Variants in WWOX observed in about 807,000 individuals in gnomAD.
WWOX encodes WW domain containing oxidoreductase.
WWOX carries 69 observed loss-of-function variants against 46.2 expected under a neutral mutation model. The ratio of observed to expected loss-of-function variants is 1.49; its 90% CI spans 1.23 to 1.82. The LOEUF is 1.82. Ranked by LOEUF, WWOX falls within the 40% of genes most tolerant of loss-of-function variation. WWOX has a pLI of 0.00. For missense variants in WWOX, 919 were observed against 542.6 expected, an observed-to-expected ratio of 1.69 and a Z score of -6.89; for synonymous variants, 359 against 202.6, an observed-to-expected ratio of 1.77 and a Z score of -6.56.
At chr16:78,738,674 T>C (rs1416639673) in intron 8 of WWOX, among the ~76,000 whole-genome samples, 1 of 152,184 alleles carries the variant, frequency 6.6e-6, no homozygotes, top group Non-Finnish European at 1.5e-5. Flanking sequence ...TCGCATTTGC[T>C]TCTCCTGGCT....
chr16:79,141,081 G>A (rs944672702), intron 8 of WWOX, among the ~76,000 whole-genome samples: 3 of 152,192 alleles, frequency 2.0e-5, no homozygotes, highest in African/African-American at 7.2e-5. Context: ...GAACTGCTTA[G>A]GGCCAACCTG....
intron 8 of WWOX, among the ~76,000 whole-genome samples, chr16:78,946,223 C>T (rs9925158): frequency 1.3e-5 from 2 of 152,154 alleles, no homozygotes. Context: ...CTGAGTCTTG[C>T]TCTGTCGCCC....
intron 8 of WWOX, among the ~76,000 whole-genome samples, chr16:78,748,863 T>A (rs1299608804): frequency 1.3e-5 from 2 of 152,224 alleles, no homozygotes; most frequent in African/African-American, 4.8e-5. Context: ...GGAAGGAGCA[T>A]CTTTGCAGGG....
At chr16:78,975,586 A>G (rs916254181) in intron 8 of WWOX, among the ~76,000 whole-genome samples, 1 of 151,912 alleles carries the variant, frequency 6.6e-6, no homozygotes, top group African/African-American at 2.4e-5. Flanking sequence ...CCATATACAC[A>G]TGGTATATGC....
At chr16:78,987,419 G>C (rs995560848) in intron 8 of WWOX, among the ~76,000 whole-genome samples, 8 of 152,210 alleles carry the variant, frequency 5.3e-5, no homozygotes, top group African/African-American at 1.9e-4. Context: ...TCATGCTGGA[G>C]CTCCTGCCAC....
intron 4 of WWOX, among the ~76,000 whole-genome samples, chr16:78,124,960 C>G (rs1047077037): frequency 1.3e-5 from 2 of 152,044 alleles, no homozygotes; most frequent in Non-Finnish European, 2.9e-5. Flanking sequence ...GCCAGATGAA[C>G]GGAGCTAAGC....
Position 79,000,530 on chromosome 16 carries a change from G to T in WWOX, c.1057-211078G>T, listed in dbSNP as rs191633358. ...CTGAGTAAAGAGGACTTGGCCTGAT[G>T]TTACCAGCTTTAAAGAGGGAGGAAG... On this transcript the variant is annotated intron_variant, in intron 8 of 8. Transcript: ENST00000566780. Among the ~76,000 whole-genome samples, 40 of 152,272 alleles carry T rather than the reference G, an allele frequency of 2.6e-4. 1 individual carries two copies. Among genetic ancestry groups the T allele is most frequent in the Middle Eastern group, 3.4e-3 (1 of 294 alleles).
intron 5 of WWOX, among the ~76,000 whole-genome samples, chr16:78,303,426 C>T (rs963564345): frequency 3.9e-5 from 6 of 152,270 alleles, no homozygotes; most frequent in East Asian, 1.9e-4. Context: ...AGCTCATGGA[C>T]GTTGCTTTTA....
intron 8 of WWOX, among the ~76,000 whole-genome samples, chr16:78,517,440 A>T (rs1032419719): frequency 2.0e-5 from 3 of 152,150 alleles, no homozygotes; most frequent in African/African-American, 7.2e-5. Context: ...ATGTTTAAAT[A>T]TGAATGTCTT....
At chr16:78,835,230 C>G (rs1427096672) in intron 8 of WWOX, among the ~76,000 whole-genome samples, 2 of 152,076 alleles carry the variant, frequency 1.3e-5, no homozygotes, top group East Asian at 1.9e-4. Flanking sequence ...AAAACAAGTG[C>G]CAGCATTCTA....
intron 5 of WWOX, among the ~76,000 whole-genome samples, chr16:78,368,289 A>G (rs1427997249): frequency 2.6e-5 from 4 of 152,200 alleles, no homozygotes; most frequent in Non-Finnish European, 2.9e-5. Flanking sequence ...TGTAGGTCCT[A>G]TATGAGTGAT....
intron 4 of WWOX, among the ~76,000 whole-genome samples, chr16:78,149,944 C>T (rs781154395): frequency 3.3e-5 from 5 of 152,126 alleles, no homozygotes; most frequent in South Asian, 2.1e-4. Flanking sequence ...CCTCCTTTTA[C>T]GTAATTCTCC....
intron 8 of WWOX, among the ~76,000 whole-genome samples, chr16:78,966,033 G>A (rs1365196371): frequency 6.6e-6 from 1 of 152,170 alleles, no homozygotes; most frequent in Non-Finnish European, 1.5e-5. Context: ...GGTGCTATCT[G>A]TGTGCCTCAT....
chr16:79,175,382 T>C (rs1313893127), intron 8 of WWOX, among the ~76,000 whole-genome samples: 1 of 152,192 alleles, frequency 6.6e-6, no homozygotes, highest in African/African-American at 2.4e-5. Context: ...TTTAAATATA[T>C]TTTGGATGAG....
intron 8 of WWOX, among the ~76,000 whole-genome samples, chr16:78,730,690 G>A (rs1008919044): frequency 1.4e-4 from 21 of 149,804 alleles, no homozygotes; most frequent in East Asian, 7.9e-4. Flanking sequence ...GAACTCCTGG[G>A]CTCAAGCGAT....
chr16:78,102,624 T>C (rs1177397530), intron 1 of WWOX, among the ~76,000 whole-genome samples: 1 of 152,224 alleles, frequency 6.6e-6, no homozygotes, highest in Admixed American at 6.5e-5. Context: ...AGCTTACATG[T>C]CACTGCCCAA....
At chr16:78,252,069 C>T (rs1377373517) in intron 5 of WWOX, among the ~76,000 whole-genome samples, 1 of 152,112 alleles carries the variant, frequency 6.6e-6, no homozygotes, top group African/African-American at 2.4e-5. Flanking sequence ...GGGATGAGAG[C>T]AAGCACCGTT....
intron 8 of WWOX, among the ~76,000 whole-genome samples, chr16:78,751,461 TTATATATA>T (rs71140824): frequency 1.2e-4 from 16 of 128,426 alleles, no homozygotes; most frequent in East Asian, 4.5e-4. Flanking sequence ...TTATCAGATT[TTATATATA>T]TATATATATA....
chr16:78,827,903 C>T (rs765311912), intron 8 of WWOX, among the ~76,000 whole-genome samples: 3 of 152,110 alleles, frequency 2.0e-5, no homozygotes, highest in Non-Finnish European at 4.4e-5. Context: ...AGGATGGGAA[C>T]CAGGCACTGC....
Sources: allele counts gnomAD v4.1 joint callset (sites outside exome capture counted in the v4.1 genomes callset), GRCh38; gene constraint gnomAD v4.1.1; transcripts MANE v1.5; gene names NCBI Gene and HGNC (gene_info 2026-07-23, HGNC 2026-07-21).